The following ZCCHC7 variants were observed in gnomAD, a reference collection of about 807,000 sequenced individuals.
ZCCHC7 encodes the protein zinc finger CCHC domain-containing protein 7.
Under a neutral mutation model 52.0 loss-of-function variants are expected in ZCCHC7, and 35 were observed. The observed-to-expected ratio is 0.67, with a 90% CI of 0.51 to 0.89. ZCCHC7 has a LOEUF of 0.89. Ranked by LOEUF, ZCCHC7 falls within the 40% of genes least tolerant of loss-of-function variation. The probability of loss-of-function intolerance (pLI) is 0.00; values close to 1 mark genes in which losing one functional copy is unlikely to be tolerated. For synonymous variants in ZCCHC7, 217 were observed against 221.5 expected, an observed-to-expected ratio of 0.98 and a Z score of 0.18; for missense variants, 574 against 649.1, an observed-to-expected ratio of 0.88 and a Z score of 1.26.
intron 2 of ZCCHC7, among the ~76,000 whole-genome samples, chr9:37,185,049 T>G (rs1438971800): frequency 6.6e-6 from 1 of 152,108 alleles, no homozygotes; most frequent in Non-Finnish European, 1.5e-5. Context: ...TCTTTTTTTT[T>G]CCTTAACATG....
chr9:37,172,637 T>A (rs1346417439), intron 2 of ZCCHC7, among the ~76,000 whole-genome samples: 1 of 152,242 alleles, frequency 6.6e-6, no homozygotes, highest in African/African-American at 2.4e-5. Flanking sequence ...AATATGGGCA[T>A]TGCATTATGG....
intron 6 of ZCCHC7, among the ~76,000 whole-genome samples, chr9:37,344,448 CT>C (rs1820834787): frequency 6.6e-6 from 1 of 152,216 alleles, no homozygotes; most frequent in Non-Finnish European, 1.5e-5. Flanking sequence ...CTCTTTCACT[CT>C]TCCTTCACCT....
intron 6 of ZCCHC7, among the ~76,000 whole-genome samples, chr9:37,329,701 A>G (rs769369706): frequency 2.9e-4 from 44 of 151,906 alleles, no homozygotes; most frequent in Non-Finnish European, 5.2e-4. Flanking sequence ...CAATGAAGCA[A>G]TATTCAGTCT....
chr9:37,312,546 A>G (rs1829644226), intron 5 of ZCCHC7, among the ~76,000 whole-genome samples: 1 of 152,220 alleles, frequency 6.6e-6, no homozygotes, highest in South Asian at 2.1e-4. Flanking sequence ...AGAAAGTGTG[A>G]CGTAGACCTA....
chr9:37,230,481 TTTG>T (rs1329240683), intron 2 of ZCCHC7, among the ~76,000 whole-genome samples: 2 of 152,186 alleles, frequency 1.3e-5, no homozygotes, highest in Non-Finnish European at 2.9e-5. Flanking sequence ...AGATCTCACT[TTTG>T]TTGGGAAAAA....
chr9:37,251,333 T>G (rs971832883), intron 2 of ZCCHC7, among the ~76,000 whole-genome samples: 12 of 152,322 alleles, frequency 7.9e-5, no homozygotes, highest in Admixed American at 7.8e-4. Context: ...TTGAAAGGTA[T>G]CTCTCCAAAT....
At chr9:37,122,678 G>C (rs535438263) in intron 1 of ZCCHC7, among the ~76,000 whole-genome samples, 1 of 152,226 alleles carries the variant, frequency 6.6e-6, no homozygotes, top group African/African-American at 2.4e-5. Context: ...GGTGGCTCAC[G>C]CCTGTAATCC....
At chr9:37,336,132 A>C (rs1830639472) in intron 6 of ZCCHC7, among the ~76,000 whole-genome samples, 1 of 152,264 alleles carries the variant, frequency 6.6e-6, no homozygotes, top group East Asian at 1.9e-4. Context: ...CACTTTAGGT[A>C]AAACTACTTT....
chr9:37,209,490 C>T (rs1249947576), intron 2 of ZCCHC7, among the ~76,000 whole-genome samples: 1 of 152,118 alleles, frequency 6.6e-6, no homozygotes, highest in African/African-American at 2.4e-5. Context: ...AGAGAATTCC[C>T]CTCACCTGTA....
chr9:37,344,573 T>C (rs1820844979), intron 6 of ZCCHC7, among the ~76,000 whole-genome samples: 1 of 152,208 alleles, frequency 6.6e-6, no homozygotes, highest in African/African-American at 2.4e-5. Context: ...AGAGTGGTGT[T>C]TCCCAGACAT....
rs1376152661 is a variant in ZCCHC7 at position 37,316,224 on chromosome 9, T to A, written c.951+10510T>A. Among the ~76,000 whole-genome samples the A allele has an allele frequency of 2.0e-5, 3 of 151,984 alleles. No individual in the cohort carries two copies. The East Asian group carries it at 5.8e-4, about 30-fold the overall frequency. On this transcript the variant is annotated intron_variant, in intron 5 of 8. Coordinates refer to ENST00000336755, the MANE Select transcript of ZCCHC7 (RefSeq NM_032226.3). ...ACAGGCACGCACTACAATGCCCAGC[T>A]GCTTTTTGTATTTTTAATACAGATG... is the stretch of plus-strand genomic sequence containing the variant.
intron 4 of ZCCHC7, 125 bp from the exon 5 acceptor site, chr9:37,305,419 C>G (rs758654953): frequency 1.7e-6 from 2 of 1,164,736 alleles, no homozygotes; most frequent in Non-Finnish European, 1.2e-6. Flanking sequence ...CAGTTGTGCT[C>G]AGGATTCTAC....
chr9:37,304,288 T>C lies in ZCCHC7; in HGVS notation c.755T>C (p.Leu252Ser), dbSNP rs1381723794. Residue 252 changes from leucine (L) to serine (S), a missense_variant, in exon 4 of 9, where the codon TTA becomes TCA. By Grantham distance (145) the Leu-to-Ser change is moderately radical. Transcript: ENST00000336755. ...ICRNCDKRGH[L>S]SKNCPLPRKV... is the part of the protein sequence containing the mutation. ...AGAAATTGTGACAAACGTGGTCATT[T>C]ATCAAAAAACTGCCCCTTACCACGA... The C allele has an allele frequency of 6.2e-7, 1 of 1,613,746 alleles. No homozygotes were observed. The highest frequency in any genetic ancestry group is 8.5e-7 in the Non-Finnish European group (1 of 1,179,860).
intron 6 of ZCCHC7, among the ~76,000 whole-genome samples, chr9:37,336,217 T>C (rs1830645335): frequency 6.6e-6 from 1 of 152,292 alleles, no homozygotes. Flanking sequence ...GCTGGGTCAG[T>C]TCTGCAGACT....
Position 37,120,630 on chromosome 9 carries a change from A to G in ZCCHC7, c.-22+7A>G. 7.6e-6 allele frequency: 3 copies of G among 395,968 alleles called. No homozygotes were observed. Among genetic ancestry groups the G allele is most frequent in the Non-Finnish European group, 1.3e-5 (3 of 224,206 alleles). 24.5% of individuals were successfully genotyped at this position (395,968 alleles called of 1,614,324 possible). On this transcript the variant is annotated splice_region_variant and intron_variant, in intron 1 of 8. Transcript: ENST00000336755. Reference sequence around the variant, plus strand: ...CCTGTTCGCAGCTGCGGCAGTGAGTATGTGTGTGACGGACCCCCGCCGCCC... The same window carrying G: ...CCTGTTCGCAGCTGCGGCAGTGAGTGTGTGTGTGACGGACCCCCGCCGCCC...
At chr9:37,212,129 G>A (rs943195221) in intron 2 of ZCCHC7, among the ~76,000 whole-genome samples, 5 of 147,862 alleles carry the variant, frequency 3.4e-5, no homozygotes, top group African/African-American at 1.2e-4. Flanking sequence ...ATAATGTCTG[G>A]AGACATTTTT....
At chr9:37,348,048 C>T (rs527527412) in intron 6 of ZCCHC7, among the ~76,000 whole-genome samples, 1 of 152,238 alleles carries the variant, frequency 6.6e-6, no homozygotes, top group African/African-American at 2.4e-5. Flanking sequence ...TTACACTGTC[C>T]ATGGTGATCC....
chr9:37,192,211 A>G (rs953661797), intron 2 of ZCCHC7, among the ~76,000 whole-genome samples: 1 of 152,250 alleles, frequency 6.6e-6, no homozygotes, highest in Non-Finnish European at 1.5e-5. Flanking sequence ...AACATAGTGG[A>G]CATGGTTACC....
intron 2 of ZCCHC7, among the ~76,000 whole-genome samples, chr9:37,232,988 G>C (rs1825478046): frequency 6.6e-6 from 1 of 152,122 alleles, no homozygotes; most frequent in African/African-American, 2.4e-5. Flanking sequence ...GTATTCCCAG[G>C]TTGGTGGTGT....
Sources: gnomAD v4.1 joint callset for allele counts (sites outside exome capture counted in the v4.1 genomes callset) on GRCh38, gnomAD v4.1.1 for gene constraint, MANE v1.5 for transcripts, NCBI Gene and HGNC (gene_info 2026-07-23, HGNC 2026-07-21) for gene names.